DLC1: variants seen among roughly 807,000 people sequenced by gnomAD.
DLC1 encodes the protein rho GTPase-activating protein 7.
Under a neutral mutation model 140.3 loss-of-function variants are expected in DLC1, and 54 were observed. The observed-to-expected ratio is 0.38, with a 90% confidence interval of 0.31 to 0.48. The LOEUF is 0.48. Ranked by LOEUF, DLC1 falls within the 20% of genes least tolerant of loss-of-function variation. The pLI is 0.96. For missense variants in DLC1, 2,536 were observed against 1,907.0 expected, an observed-to-expected ratio of 1.33 and a Z score of -6.14; for synonymous variants, 986 against 728.1, an observed-to-expected ratio of 1.35 and a Z score of -5.70.
intron 5 of DLC1, among the ~76,000 whole-genome samples, chr8:13,202,509 C>A (rs1468269032): frequency 6.6e-6 from 1 of 152,126 alleles, no homozygotes; most frequent in Non-Finnish European, 1.5e-5. Context: ...TGCCGTCTTT[C>A]TACCATCTCT....
chr8:13,320,591 G>A (rs1033153175), intron 4 of DLC1, among the ~76,000 whole-genome samples: 1 of 152,092 alleles, frequency 6.6e-6, no homozygotes, highest in South Asian at 2.1e-4. Context: ...TTTGATCCCC[G>A]ATGTTGGAGG....
At chr8:13,453,145 A>T (rs890275191) in intron 2 of DLC1, among the ~76,000 whole-genome samples, 1 of 151,226 alleles carries the variant, frequency 6.6e-6, no homozygotes, top group African/African-American at 2.4e-5. Flanking sequence ...GATCAAAAAA[A>T]TAAAATATTC....
chr8:13,216,597 T>C (rs965868669), intron 5 of DLC1, among the ~76,000 whole-genome samples: 74 of 152,272 alleles, frequency 4.9e-4, no homozygotes, highest in African/African-American at 1.7e-3. Context: ...CTTCGTGTCA[T>C]TTCCCCTGAG....
chr8:13,530,095 G>T (rs1803048011), intron 1 of DLC1, among the ~76,000 whole-genome samples: 1 of 152,262 alleles, frequency 6.6e-6, no homozygotes, highest in East Asian at 1.9e-4. Context: ...ATGACTTTTG[G>T]GAGTTATGGG....
intron 1 of DLC1, among the ~76,000 whole-genome samples, chr8:13,572,664 T>C (rs1447972156): frequency 2.0e-5 from 3 of 152,202 alleles, no homozygotes; most frequent in African/African-American, 7.2e-5. Flanking sequence ...CTTTTGTTTA[T>C]GGTGTAAGGG....
chr8:13,187,497 G>T (rs1484711455), intron 5 of DLC1, among the ~76,000 whole-genome samples: 2 of 152,068 alleles, frequency 1.3e-5, no homozygotes, highest in African/African-American at 4.8e-5. Flanking sequence ...TGTGTTAAAG[G>T]AAAACATACT....
chr8:13,447,991 A>C (rs1798861279), intron 2 of DLC1, among the ~76,000 whole-genome samples: 1 of 152,202 alleles, frequency 6.6e-6, no homozygotes, highest in Non-Finnish European at 1.5e-5. Context: ...TCCACAGTAC[A>C]ACAAAATCTC....
At chr8:13,510,039 A>G (rs937762388) in intron 1 of DLC1, among the ~76,000 whole-genome samples, 10 of 152,168 alleles carry the variant, frequency 6.6e-5, no homozygotes, top group Admixed American at 1.3e-4. Context: ...TGACTCCTTT[A>G]GCTTTCAACT....
At chr8:13,407,992 C>CT (rs3830246) in intron 2 of DLC1, among the ~76,000 whole-genome samples, 18,731 of 152,128 alleles carry the variant, frequency 0.12, 1,341 homozygotes, top group Admixed American at 0.18. Context: ...TATTAAATCT[C>CT]TTTTTTTAGA....
intron 1 of DLC1, among the ~76,000 whole-genome samples, chr8:13,578,064 A>C (rs1364023776): frequency 6.6e-6 from 1 of 152,014 alleles, no homozygotes; most frequent in Non-Finnish European, 1.5e-5. Context: ...TGTTTTTTAA[A>C]AATTAGGTTG....
chr8:13,390,806 T>G (rs1482467399), intron 4 of DLC1, among the ~76,000 whole-genome samples: 1 of 151,964 alleles, frequency 6.6e-6, no homozygotes, highest in Non-Finnish European at 1.5e-5. Context: ...GCTAACACAG[T>G]GAAACCGTCT....
chr8:13,466,676 G>A (rs993228539), intron 2 of DLC1, among the ~76,000 whole-genome samples: 13 of 152,122 alleles, frequency 8.5e-5, no homozygotes, highest in African/African-American at 2.9e-4. Context: ...ACTGTACTAA[G>A]AGAAACTACG....
chr8:13,596,326 G>C (rs963091617), intron 1 of DLC1, among the ~76,000 whole-genome samples: 1 of 151,986 alleles, frequency 6.6e-6, no homozygotes, highest in Non-Finnish European at 1.5e-5. Context: ...GGAGGGAAAA[G>C]TAGCTTTTCT....
intron 1 of DLC1, among the ~76,000 whole-genome samples, chr8:13,538,455 C>T (rs1423668962): frequency 6.6e-6 from 1 of 151,924 alleles, no homozygotes; most frequent in East Asian, 1.9e-4. Context: ...GTGCGCTCCT[C>T]CTAGGGACTT....
intron 5 of DLC1, among the ~76,000 whole-genome samples, chr8:13,275,141 G>T (rs1399922433): frequency 6.6e-6 from 1 of 152,148 alleles, no homozygotes; most frequent in Non-Finnish European, 1.5e-5. Context: ...GGGGAATATT[G>T]TTTAGTGCAA....
At chr8:13,220,020 G>T (rs1240131558) in intron 5 of DLC1, among the ~76,000 whole-genome samples, 2 of 152,188 alleles carry the variant, frequency 1.3e-5, no homozygotes, top group Non-Finnish European at 2.9e-5. Flanking sequence ...GGCCTGGGAA[G>T]AGGAGGGGTT....
At chr8:13,550,683 C>G (rs978739389) in intron 1 of DLC1, among the ~76,000 whole-genome samples, 2 of 152,034 alleles carry the variant, frequency 1.3e-5, no homozygotes, top group African/African-American at 4.8e-5. Flanking sequence ...CTTGTGTTAT[C>G]TTTAATTAAA....
chr8:13,444,252 A>G (rs964773166), intron 2 of DLC1, among the ~76,000 whole-genome samples: 1 of 152,162 alleles, frequency 6.6e-6, no homozygotes, highest in Non-Finnish European at 1.5e-5. Flanking sequence ...TTGAACAATG[A>G]GAACACTTGG....
intron 1 of DLC1, among the ~76,000 whole-genome samples, chr8:13,509,051 T>C (rs1052179359): frequency 6.6e-6 from 1 of 152,236 alleles, no homozygotes; most frequent in Non-Finnish European, 1.5e-5. Context: ...TTATTATTGA[T>C]GGCAAAGCAG....
Sources: allele counts gnomAD v4.1 joint callset (sites outside exome capture counted in the v4.1 genomes callset), GRCh38; gene constraint gnomAD v4.1.1; transcripts MANE v1.5; gene names NCBI Gene and HGNC (gene_info 2026-07-23, HGNC 2026-07-21).